The following ANO7 variants were observed in gnomAD, a reference collection of about 807,000 sequenced individuals.
ANO7 encodes the protein anoctamin-7.
A neutral mutation model predicts 115.8 loss-of-function variants in ANO7; 114 were observed. That is an observed-to-expected ratio of 0.98 (90% CI 0.85 to 1.15). The LOEUF (loss-of-function observed/expected upper bound fraction) is 1.15. Ranked by LOEUF, ANO7 falls within the 50% of genes most tolerant of loss-of-function variation. ANO7 has a pLI of 0.00. For missense variants in ANO7, 1,302 were observed against 1,201.2 expected (o/e 1.08, Z -1.24); for synonymous variants, 550 against 498.2 (o/e 1.10, Z -1.38).
downstream of ANO7, chr2:241,229,999 C>T (rs1191629497): frequency 1.2e-5 from 18 of 1,557,040 alleles, no homozygotes; most frequent in African/African-American, 1.4e-5. Flanking sequence ...TCAGTCTGCC[C>T]AGCACCCCCA....
chr2:241,229,775 A>AGCCCGCCT (rs760501358), downstream of ANO7: 23 of 1,581,894 alleles, frequency 1.5e-5, no homozygotes, highest in Non-Finnish European at 2.0e-5. Context: ...CAGGACACCA[A>AGCCCGCCT]GCCCGCCTGC....
At chr2:241,197,580 T>C (rs574995135) in intron 4 of ANO7, among the ~76,000 whole-genome samples, 1 of 151,698 alleles carries the variant, frequency 6.6e-6, no homozygotes, top group Admixed American at 6.6e-5. Flanking sequence ...GGTCTCACTT[T>C]GTTGCCCTGG....
At chr2:241,233,790 C>T in the ANO7 span, 4 of 1,613,272 alleles carry the variant, frequency 2.5e-6, no homozygotes, top group Non-Finnish European at 3.4e-6. The surrounding 1 kb of genome is among the most constrained non-coding windows in gnomAD (Gnocchi z 4.3). Flanking sequence ...AGCACCTCTG[C>T]CCCCGACACG....
At chr2:241,238,899 C>T in the ANO7 span, 2 of 809,704 alleles carry the variant, frequency 2.5e-6, no homozygotes, top group Non-Finnish European at 3.7e-6. This position sits in a 1 kb window ranked among gnomAD's most constrained non-coding sequence, Gnocchi z 4.9. Context: ...AGCCACTTGG[C>T]ACAGATGCTC....
chr2:241,236,747 G>A, the ANO7 span: 1 of 1,614,140 alleles, frequency 6.2e-7, no homozygotes, highest in Non-Finnish European at 8.5e-7. Flanking sequence ...CATTCTCCTG[G>A]ACAACTGGCT....
chr2:241,211,867 C>T (rs1266347165), intron 15 of ANO7, among the ~76,000 whole-genome samples: 1 of 152,214 alleles, frequency 6.6e-6, no homozygotes, highest in Non-Finnish European at 1.5e-5. Context: ...GCACCACATT[C>T]ATTATTAGTG....
chr2:241,224,121 A>C lies in ANO7; in HGVS notation c.2608A>C (p.Thr870Pro). ...SELSSHWTPF[T>P]VPKASQLQQ ...GCTCAGCTCCCACTGGACACCCTTC[A>C]CGGTTCCCAAGGCCAGCCAGCTGCA... is the stretch of plus-strand genomic sequence containing the variant. Residue 870 changes from threonine to proline, a missense_variant, in exon 25 of 25, where the codon ACG (threonine) becomes CCG (proline). By Grantham distance (38) the Thr-to-Pro change is conservative. Transcript: ENST00000674324. 6.2e-7 allele frequency: 1 copy of C among 1,613,666 alleles called. No individual in the cohort carries two copies. Among genetic ancestry groups the C allele is most frequent in the Non-Finnish European group, 8.5e-7 (1 of 1,179,906 alleles).
chr2:241,223,668 G>C lies in ANO7; in HGVS notation c.2419G>C (p.Val807Leu), dbSNP rs143637006. 1 of 1,612,618 alleles carries C rather than the reference G, an allele frequency of 6.2e-7. No homozygotes were observed. The highest frequency in any genetic ancestry group is 1.7e-5 in the Admixed American group (1 of 59,780). Residue 807 changes from valine to leucine, a missense_variant, in exon 23 of 25, where the codon GTT becomes CTT. Val to Leu is a conservative substitution (Grantham distance 32). Coordinates refer to ENST00000674324, the MANE Select transcript of ANO7 (RefSeq NM_001370694.2). Reference protein sequence around the residue: ...LAFVIVFEHVVFSVGRLLDLL... With the variant: ...LAFVIVFEHVLFSVGRLLDLL... Reference sequence around the variant, plus strand: ...TGCCTTCCTCTGCTCCCAGCATGTGGTTTTCTCCGTTGGCCGCCTCCTGGA... The same window carrying C: ...TGCCTTCCTCTGCTCCCAGCATGTGCTTTTCTCCGTTGGCCGCCTCCTGGA...
At chr2:241,213,655 G>A (rs2068763125) in intron 17 of ANO7, among the ~76,000 whole-genome samples, 1 of 152,230 alleles carries the variant, frequency 6.6e-6, no homozygotes, top group African/African-American at 2.4e-5. Flanking sequence ...TGGGGTCGCA[G>A]GCAGCAGGGT....
intron 23 of ANO7, 49 bp downstream of exon 23, chr2:241,223,830 C>G: frequency 6.2e-7 from 1 of 1,614,128 alleles, no homozygotes; most frequent in South Asian, 1.1e-5. Context: ...CTCTCCCTAT[C>G]CTTGTCAGTG....
chr2:241,213,097 C>T, intron 17 of ANO7, among the ~76,000 whole-genome samples: 1 of 152,224 alleles, frequency 6.6e-6, no homozygotes, highest in Non-Finnish European at 1.5e-5. Flanking sequence ...GGGCGCAGAG[C>T]CTCTGGCACA....
At chr2:241,217,539 G>A (rs1054276453) in intron 19 of ANO7, 147 bp from the exon 20 acceptor site, 1 of 951,122 alleles carries the variant, frequency 1.1e-6, no homozygotes, top group African/African-American at 1.6e-5. Flanking sequence ...GCGCGGTCCA[G>A]GACGAGGGAG....
intron 21 of ANO7, among the ~76,000 whole-genome samples, chr2:241,218,783 T>C (rs2068934832): frequency 6.6e-6 from 1 of 152,162 alleles, no homozygotes; most frequent in African/African-American, 2.4e-5. Flanking sequence ...CTTACAACTC[T>C]AAGGGTCTAC....
In ANO7 at chr2:241,200,101, C is replaced by G. The variant is rs1465876065; in HGVS notation, c.430C>G (p.Gln144Glu). 1 of 1,612,662 alleles carries G rather than the reference C, an allele frequency of 6.2e-7. No individual in the cohort carries two copies. The highest frequency in any genetic ancestry group is 1.3e-5 in the African/African-American group (1 of 75,068). Residue 144 changes from glutamine to glutamate, a missense_variant, in exon 6 of 25, where the codon CAG (glutamine) becomes GAG (glutamate). Physicochemically the swap from Gln to Glu is conservative, Grantham distance 29 (BLOSUM62 2). Coordinates refer to ENST00000674324, the MANE Select transcript of ANO7 (RefSeq NM_001370694.2). ...LKLPLQELPNQASNWSAGLLA... is the reference protein window; with the variant it reads ...LKLPLQELPNEASNWSAGLLA... ...CGTTTCCTTCCAGGAGTTACCCAAC[C>G]AGGCCTCCAACTGGTCGGCCGGCCT...
At chr2:241,194,308 CTT>C (rs558481702) in intron 3 of ANO7, among the ~76,000 whole-genome samples, 8 of 131,762 alleles carry the variant, frequency 6.1e-5, no homozygotes, top group African/African-American at 5.6e-5. Context: ...TATTTATTTC[CTT>C]TTTTTTTTTT....
the ANO7 span, chr2:241,233,880 G>C: frequency 1.9e-6 from 3 of 1,614,030 alleles, no homozygotes; most frequent in Non-Finnish European, 2.5e-6. The surrounding 1 kb of genome is among the most constrained non-coding windows in gnomAD (Gnocchi z 4.3). Context: ...ACCGGATTTG[G>C]GTAATTACTG....
chr2:241,194,631 G>A (rs983842710), intron 3 of ANO7, among the ~76,000 whole-genome samples: 3 of 152,176 alleles, frequency 2.0e-5, no homozygotes, highest in Admixed American at 6.6e-5. Context: ...ATAAGATATT[G>A]TAAAAGAGCG....
At chr2:241,239,805 C>A in the ANO7 span, 1 of 1,613,896 alleles carries the variant, frequency 6.2e-7, no homozygotes. The surrounding 1 kb of genome is among the most constrained non-coding windows in gnomAD (Gnocchi z 4.6). Context: ...AGCATGGAGT[C>A]TTCCACCACA....
chr2:241,206,602 G>C (rs1051496730), intron 10 of ANO7, among the ~76,000 whole-genome samples: 1 of 53,144 alleles, frequency 1.9e-5, no homozygotes, highest in African/African-American at 9.1e-5. Flanking sequence ...AGGTGGACAG[G>C]AGTGCTCCCA....
Sources: allele counts gnomAD v4.1 joint callset (sites outside exome capture counted in the v4.1 genomes callset), GRCh38; gene constraint gnomAD v4.1.1; non-coding constraint Gnocchi (gnomAD v3.1); transcripts MANE v1.5; gene names NCBI Gene and HGNC (gene_info 2026-07-23, HGNC 2026-07-21).